Variants in GGT6 observed in about 807,000 individuals in gnomAD.
GGT6 encodes gamma-glutamyltransferase 6.
GGT6 carries 13 observed loss-of-function variants against 17.0 expected under a neutral mutation model. The observed-to-expected ratio is 0.77, with a 90% CI of 0.50 to 1.22. The LOEUF is 1.22. GGT6 is among the 50% of genes most tolerant of loss of function. The pLI is 0.00. For synonymous variants in GGT6, 305 were observed against 297.9 expected (o/e 1.02, Z -0.25); for missense variants, 628 against 643.7 (o/e 0.98, Z 0.26).
rs1370484031 is a variant in GGT6, at chr17:4,557,619, T to TA, written c.*395_*396insT. 114 of 146,592 alleles carry TA rather than the reference T, an allele frequency of 7.8e-4. No homozygotes were observed. Among genetic ancestry groups the TA allele is most frequent in the East Asian group, 2.5e-3 (9 of 3,614 alleles). 9.1% of individuals were successfully genotyped at this position (146,592 alleles called of 1,614,324 possible). A position where few individuals can be genotyped will look rare whatever the true frequency, so the allele number is the denominator to read the frequency against. ...CATGAGCCACCGCACCCAGCTATTTTTTTATTATTATTATTATTATTTTAA... is the reference window on the plus strand; with the variant it reads ...CATGAGCCACCGCACCCAGCTATTTTATTTATTATTATTATTATTATTTTAA... On this transcript the variant is annotated 3_prime_UTR_variant, in exon 4 of 4. Transcript: ENST00000381550.
At position 4,558,802 on chromosome 17, in the gene GGT6, C is replaced by T; in HGVS notation, c.713G>A (p.Cys238Tyr). 6.4e-7 allele frequency: 1 copy of T among 1,555,768 alleles called. No homozygotes were observed. Among genetic ancestry groups the T allele is most frequent in the Non-Finnish European group, 8.7e-7 (1 of 1,149,578 alleles). ...CCCATCAGCATGGCAAAGTAGTGGA[C>T]AGAGGCCTTCTGTGCCCCGAGCCAC... ...ALVARGTEGL[C>Y]PLLCHADGTP... The change falls in exon 4 of 4, where the codon TGT becomes TAT. Residue 238 changes from cysteine (C) to tyrosine (Y), a missense_variant. Physicochemically the swap from Cys to Tyr is radical, Grantham distance 194 (BLOSUM62 -2). Coordinates refer to ENST00000381550, the MANE Select transcript of GGT6 (RefSeq NM_001288702.2).
In GGT6 at chr17:4,560,498, C is replaced by T; in HGVS notation, c.24G>A (p.Val8=). MERAEEP[V]VYQKLLPWEP... ...CCCAGGGCAGCAGCTTCTGATAGAC[C>T]ACGGGCTCTTCTGCCCGCTCCATGG... is the stretch of plus-strand genomic sequence containing the variant. Residue 8 remains valine (V), a synonymous_variant, in exon 1 of 4, where the codon GTG becomes GTA. Transcript: ENST00000381550. 2 of 1,612,774 alleles carry T rather than the reference C, an allele frequency of 1.2e-6. No individual in the cohort carries two copies. The highest frequency in any genetic ancestry group is 8.5e-7 in the Non-Finnish European group (1 of 1,180,028).
At position 4,558,307 on chromosome 17, in the gene GGT6, G is replaced by A. The variant is rs545499900; in HGVS notation, c.1208C>T (p.Ala403Val). ...ACGGAGGATGAGGGGGCAGGCCCAG[G>A]CACTAGTGGTAGACTTGGCCACCAG... ...SNLVAKSTTS[A>V]WACPLILRGS... Residue 403 changes from alanine to valine, a missense_variant, in exon 4 of 4, where the codon GCC (alanine) becomes GTC (valine). Physicochemically the swap from Ala to Val is moderately conservative, Grantham distance 64. Transcript: ENST00000381550. 5 of 1,612,984 alleles carry A rather than the reference G, an allele frequency of 3.1e-6. No individual in the cohort carries two copies. In the South Asian group the frequency reaches 5.5e-5, roughly 18 times the overall value.
In GGT6 at chr17:4,557,950, T is replaced by C; in HGVS notation, c.*65A>G. 9.2e-7 allele frequency: 1 copy of C among 1,090,020 alleles called. No individual in the cohort carries two copies. The highest frequency in any genetic ancestry group is 1.3e-6 in the Non-Finnish European group (1 of 774,374). 67.5% of individuals were successfully genotyped at this position (1,090,020 alleles called of 1,614,324 possible). A position where few individuals can be genotyped will look rare whatever the true frequency, so the allele number is the denominator to read the frequency against. On this transcript the variant is annotated 3_prime_UTR_variant, in exon 4 of 4. Transcript: ENST00000381550. Reference sequence around the variant, plus strand: ...GGGTGCACACTCCATTGCTGCTGTGTCTGCTCTGCTCCTGCCCCCATGCTT... The same window carrying C: ...GGGTGCACACTCCATTGCTGCTGTGCCTGCTCTGCTCCTGCCCCCATGCTT...
intron 1 of GGT6, 24 bp from the exon 2 acceptor site, chr17:4,559,784 C>T: frequency 6.2e-7 from 1 of 1,604,938 alleles, no homozygotes; most frequent in South Asian, 1.1e-5. Context: ...GTGTCCTGAG[C>T]CACGGCTGGG....
rs1471815554 is a variant in GGT6 at position 4,558,056 on chromosome 17, A to G, written c.1459T>C (p.Ser487Pro). The change falls in exon 4 of 4, where the codon TCC becomes CCC. Residue 487 changes from serine to proline, a missense_variant. Transcript: ENST00000381550. ...GGGCAGCAGGCATGGGGGACACTGG[A>G]GACATGGGCGTGCTCTGTGTGGGCT... is the stretch of plus-strand genomic sequence containing the variant. ...VAAHTEHAHV[S>P]SVPHACCPFQ... The G allele has an allele frequency of 6.4e-7, 1 of 1,574,442 alleles. No individual in the cohort carries two copies. The highest frequency in any genetic ancestry group is 1.2e-5 in the South Asian group (1 of 84,534).
intron 3 of GGT6, 80 bp from the exon 4 acceptor site, chr17:4,559,137 C>T (rs1567621638): frequency 6.6e-7 from 1 of 1,504,402 alleles, no homozygotes; most frequent in Admixed American, 2.0e-5. Context: ...CTTGACTGAG[C>T]CTGGGATCAG....
At position 4,557,946 on chromosome 17, in the gene GGT6, TG is replaced by T. The variant is rs1056884815; in HGVS notation, c.*68del. On this transcript the variant is annotated 3_prime_UTR_variant, in exon 4 of 4. Coordinates refer to ENST00000381550, the MANE Select transcript of GGT6 (RefSeq NM_001288702.2). ...CTGCGGGTGCACACTCCATTGCTGC[TG>T]TGTCTGCTCTGCTCCTGCCCCCATG... 3 of 1,042,298 alleles carry T rather than the reference TG, an allele frequency of 2.9e-6. No individual in the cohort carries two copies. The African/African-American group carries it at 4.8e-5, about 17-fold the overall frequency. The allele number at this position is 1,042,298 out of a possible 1,614,324, so 64.6% of individuals were successfully genotyped here.
rs775591313 is a variant in GGT6 at position 4,559,616 on chromosome 17, G to A, written c.285C>T (p.Pro95=). 1.9e-5 allele frequency: 30 copies of A among 1,613,686 alleles called. No individual in the cohort carries two copies. The highest frequency in any genetic ancestry group is 2.7e-5 in the African/African-American group (2 of 74,928). Residue 95 remains proline (P), a synonymous_variant, in exon 2 of 4, where the codon CCC becomes CCT. Transcript: ENST00000381550. Reference sequence around the variant, plus strand: ...CGCCAGGGCCGTGGGAGTGTCCGCCGGGTGGAGGGGCCACAGAGCCCAAGC... The same window carrying A: ...CGCCAGGGCCGTGGGAGTGTCCGCCAGGTGGAGGGGCCACAGAGCCCAAGC... ...TGSLGSVAPP[P]GGHSHGPGVY...
intron 1 of GGT6, 61 bp downstream of exon 1, chr17:4,560,321 G>C: frequency 6.2e-7 from 1 of 1,601,248 alleles, no homozygotes; most frequent in Non-Finnish European, 8.5e-7. Context: ...GGGCTCCAGA[G>C]AGAGGGACTT....
chr17:4,559,630 CAG>C lies in GGT6; in HGVS notation c.269_270del (p.Ser90CysfsTer73). ...GAGTGTCCGCCGGGTGGAGGGGCCA[CAG>C]AGCCCAAGCTTCCTGTCGACCTGCC... ...NQGRSTGSLG[S>X]VAPPPGGHSH... On this transcript the variant is annotated frameshift_variant, in exon 2 of 4. Coordinates refer to ENST00000381550, the MANE Select transcript of GGT6 (RefSeq NM_001288702.2). LOFTEE classifies it high-confidence loss of function. The C allele has an allele frequency of 6.2e-7, 1 of 1,613,768 alleles. No homozygotes were observed. Among genetic ancestry groups the C allele is most frequent in the Non-Finnish European group, 8.5e-7 (1 of 1,180,012 alleles).
chr17:4,560,015 G>T, intron 1 of GGT6: 1 of 585,326 alleles, frequency 1.7e-6, no homozygotes, highest in Admixed American at 3.0e-5. Context: ...TCAGGTGGGA[G>T]GGAGGCCCAG....
In GGT6 at chr17:4,559,543, C is replaced by G; in HGVS notation, c.343+15G>C. ...TGACCCTCCCCTCCCCAAGCCGCCC[C>G]CAGCACTGACTGACCTGCAGGGCTG... is the stretch of plus-strand genomic sequence containing the variant. On this transcript the variant is annotated intron_variant, in intron 2 of 3. Coordinates refer to ENST00000381550, the MANE Select transcript of GGT6 (RefSeq NM_001288702.2). 1 of 1,612,118 alleles carries G rather than the reference C, an allele frequency of 6.2e-7. No individual in the cohort carries two copies. Among genetic ancestry groups the G allele is most frequent in the South Asian group, 1.1e-5 (1 of 90,838 alleles).
Position 4,559,660 on chromosome 17 carries a change from G to A in GGT6, c.241C>T (p.Gln81Ter), listed in dbSNP as rs777268961. ...CCCAAGCTTCCTGTCGACCTGCCCTGATTCTGGAGCTGCCTCACAGCCAGG... is the reference window on the plus strand; with the variant it reads ...CCCAAGCTTCCTGTCGACCTGCCCTAATTCTGGAGCTGCCTCACAGCCAGG... ...CSLAVRQLQN[Q>*]GRSTGSLGSV... The change falls in exon 2 of 4, where the codon CAG (glutamine) becomes TAG (stop). Residue 81 changes from glutamine (Q) to a stop codon, truncating the protein, a stop_gained. Coordinates refer to ENST00000381550, the MANE Select transcript of GGT6 (RefSeq NM_001288702.2). LOFTEE classifies it high-confidence loss of function. 8.1e-6 allele frequency: 13 copies of A among 1,613,202 alleles called. No individual in the cohort carries two copies. In the African/African-American group the frequency reaches 1.7e-4, roughly 22 times the overall value.
rs938495666 is a variant in GGT6 at position 4,557,360 on chromosome 17, T to G, written c.*655A>C. ...CAGGGTTTCCCTCTTGTTGCCCAGG[T>G]GGGGTTGCAATGGTGCGATCTTGGT... On this transcript the variant is annotated 3_prime_UTR_variant, in exon 4 of 4. Coordinates refer to ENST00000381550, the MANE Select transcript of GGT6 (RefSeq NM_001288702.2). 6.9e-6 allele frequency: 1 copy of G among 143,970 alleles called. No individual in the cohort carries two copies. Among genetic ancestry groups the G allele is most frequent in the Admixed American group, 7.3e-5 (1 of 13,764 alleles). The allele number at this position is 143,970 out of a possible 1,614,324, so 8.9% of individuals were successfully genotyped here.
At position 4,559,382 on chromosome 17, in the gene GGT6, A is replaced by G; in HGVS notation, c.418T>C (p.Leu140=). The G allele has an allele frequency of 6.4e-7, 1 of 1,551,664 alleles. No individual in the cohort carries two copies. The highest frequency in any genetic ancestry group is 8.7e-7 in the Non-Finnish European group (1 of 1,146,992). Residue 140 remains leucine (L), a synonymous_variant, in exon 3 of 4, where the codon TTG becomes CTG. Transcript: ENST00000381550. ...TGAGGATGCACCACTGCCAGGCACAATGCAGCTCCAACTCCAGCATCCACG... is the reference window on the plus strand; with the variant it reads ...TGAGGATGCACCACTGCCAGGCACAGTGCAGCTCCAACTCCAGCATCCACG... ...NVVDAGVGAA[L]CLAVVHPHAT...
At position 4,559,546 on chromosome 17, in the gene GGT6, G is replaced by A. The variant is rs749756369; in HGVS notation, c.343+12C>T. ...CCCTCCCCTCCCCAAGCCGCCCCCA[G>A]CACTGACTGACCTGCAGGGCTGATG... is the stretch of plus-strand genomic sequence containing the variant. On this transcript the variant is annotated intron_variant, in intron 2 of 3. Coordinates refer to ENST00000381550, the MANE Select transcript of GGT6 (RefSeq NM_001288702.2). 1.9e-6 allele frequency: 3 copies of A among 1,612,308 alleles called. No individual in the cohort carries two copies. Among genetic ancestry groups the A allele is most frequent in the East Asian group, 4.5e-5 (2 of 44,854 alleles).
In GGT6 at chr17:4,560,500, C is replaced by T. The variant is rs368729246; in HGVS notation, c.22G>A (p.Val8Met). The T allele has an allele frequency of 2.2e-5, 35 of 1,612,608 alleles. No individual in the cohort carries two copies. The East Asian group carries it at 4.7e-4, about 22-fold the overall frequency. Residue 8 changes from valine (V) to methionine (M), a missense_variant, in exon 1 of 4, where the codon GTG becomes ATG. Transcript: ENST00000381550. ...CAGGGCAGCAGCTTCTGATAGACCA[C>T]GGGCTCTTCTGCCCGCTCCATGGCC... The part of the protein sequence containing the change: MERAEEP[V>M]VYQKLLPWEP...
In GGT6 at chr17:4,557,480, A is replaced by AT. The variant is rs1042838607; in HGVS notation, c.*534dup. The AT allele has an allele frequency of 5.5e-4, 84 of 151,544 alleles. No individual in the cohort carries two copies. The highest frequency in any genetic ancestry group is 2.0e-3 in the African/African-American group (81 of 41,270). The allele number at this position is 151,544 out of a possible 1,614,324, so 9.4% of individuals were successfully genotyped here. ...AGGTGCCCGCCACCATGCCCAGCTA[A>AT]TTTTTTGTATTTTTAGTAGAGACGG... On this transcript the variant is annotated 3_prime_UTR_variant, in exon 4 of 4. Coordinates refer to ENST00000381550, the MANE Select transcript of GGT6 (RefSeq NM_001288702.2).
Sources: gnomAD v4.1 joint callset for allele counts on GRCh38, gnomAD v4.1.1 for gene constraint, MANE v1.5 for transcripts, NCBI Gene and HGNC (gene_info 2026-07-23, HGNC 2026-07-21) for gene names.